Variants in TBX18 observed in about 807,000 individuals in gnomAD.
The protein encoded by TBX18 is T-box transcription factor 18.
Under a neutral mutation model 55.0 loss-of-function variants are expected in TBX18, and 21 were observed. The observed-to-expected ratio is 0.38, with a 90% CI of 0.27 to 0.55. TBX18 has a LOEUF of 0.55. Ranked by LOEUF, TBX18 falls within the 20% of genes least tolerant of loss-of-function variation. TBX18 has a pLI of 0.73. For missense variants in TBX18, 840 were observed against 799.6 expected (o/e 1.05, Z -0.61); for synonymous variants, 342 against 326.1 (o/e 1.05, Z -0.53).
rs759075468 is a variant in TBX18, at chr6:84,762,591, C to T, written c.450G>A (p.Lys150=). Residue 150 remains lysine (K), a synonymous_variant, in exon 2 of 8, where the codon AAG becomes AAA. Transcript: ENST00000369663. ...TCTCAGTGCCTATCTCATGAAAGCG[C>T]TTCCAGAGCTCGGCTCCCTGCAGAT... is the stretch of plus-strand genomic sequence containing the variant. ...RVDLQGAELW[K]RFHEIGTEMI... 6.2e-7 allele frequency: 1 copy of T among 1,613,940 alleles called. No individual in the cohort carries two copies. The highest frequency in any genetic ancestry group is 1.1e-5 in the South Asian group (1 of 91,084).
intron 6 of TBX18, chr6:84,742,087 T>A (rs1767061866): frequency 6.6e-6 from 1 of 152,122 alleles, no homozygotes; most frequent in Admixed American, 6.6e-5. Context: ...AGGAAAAAAG[T>A]TGAAACTGTA....
rs538436357 is a variant in TBX18 at position 84,736,468 on chromosome 6, G to C, written c.*217C>G. 6.1e-5 allele frequency: 24 copies of C among 392,028 alleles called. No individual in the cohort carries two copies. In the Admixed American group the frequency reaches 9.7e-4, roughly 16 times the overall value. 24.3% of individuals were successfully genotyped at this position (392,028 alleles called of 1,614,324 possible). The stretch of plus-strand genomic sequence containing the variant: ...ACTGGATGAAACAGGGGAACAATAG[G>C]GGCCGTGATACTCCATGTGCTATGT... On this transcript the variant is annotated 3_prime_UTR_variant, in exon 8 of 8. Coordinates refer to ENST00000369663, the MANE Select transcript of TBX18 (RefSeq NM_001080508.3).
At position 84,736,697 on chromosome 6, in the gene TBX18, T is replaced by C. The variant is rs1467501218; in HGVS notation, c.1812A>G (p.Ala604=). ...SLTLSSSQVS[A]HMV ...CTTAAAGGCTTCATCAGACCATATG[T>C]GCAGATACTTGAGATGATGACAGAG... The change falls in exon 8 of 8, where the codon GCA becomes GCG. Residue 604 remains alanine (A), a synonymous_variant. Coordinates refer to ENST00000369663, the MANE Select transcript of TBX18 (RefSeq NM_001080508.3). 6.4e-7 allele frequency: 1 copy of C among 1,568,876 alleles called. No individual in the cohort carries two copies. The highest frequency in any genetic ancestry group is 2.0e-5 in the Admixed American group (1 of 51,128).
At position 84,737,139 on chromosome 6, in the gene TBX18, T is replaced by A. The variant is rs377103957; in HGVS notation, c.1370A>T (p.Tyr457Phe). The A allele has an allele frequency of 6.2e-7, 1 of 1,614,122 alleles. No individual in the cohort carries two copies. The highest frequency in any genetic ancestry group is 8.5e-7 in the Non-Finnish European group (1 of 1,179,992). ...GGAGGTGCTGCTGCTCACGCCCACA[T>A]AGGAGGGAGTCCTGGGCGGGGCAAA... ...ETFAPPRTPS[Y>F]VGVSSSTSVN... Residue 457 changes from tyrosine (Y) to phenylalanine (F), a missense_variant, in exon 8 of 8, where the codon TAT becomes TTT. Transcript: ENST00000369663.
chr6:84,734,278 C>T lies in TBX18; in HGVS notation c.*2407G>A, dbSNP rs1372719958. On this transcript the variant is annotated 3_prime_UTR_variant, in exon 8 of 8. Transcript: ENST00000369663. ...TTCACCTTCAATGACATGGTCAACA[C>T]ACCAAGAAATTACATTTAACACATG... The T allele has an allele frequency of 6.6e-6, 1 of 152,166 alleles. No individual in the cohort carries two copies. Among genetic ancestry groups the T allele is most frequent in the African/African-American group, 2.4e-5 (1 of 41,422 alleles). The allele number at this position is 152,166 out of a possible 1,614,324, so 9.4% of individuals were successfully genotyped here.
chr6:84,759,983 G>A (rs1209592514), intron 3 of TBX18, among the ~76,000 whole-genome samples: 1 of 152,128 alleles, frequency 6.6e-6, no homozygotes, highest in Non-Finnish European at 1.5e-5. Flanking sequence ...GACACATTTA[G>A]TTTGGCAACA....
chr6:84,757,206 G>A (rs552608675), intron 3 of TBX18, among the ~76,000 whole-genome samples: 9 of 151,820 alleles, frequency 5.9e-5, no homozygotes, highest in Non-Finnish European at 7.4e-5. Context: ...ATATTCCATC[G>A]ACACGAAAAA....
intron 7 of TBX18, 57 bp from the exon 8 acceptor site, chr6:84,737,466 T>G: frequency 6.8e-7 from 1 of 1,479,582 alleles, no homozygotes; most frequent in Non-Finnish European, 9.0e-7. Flanking sequence ...TCCTTTCAAT[T>G]TTGTAAATAT....
chr6:84,763,578 T>C (rs1020002598), intron 1 of TBX18: 29 of 618,980 alleles, frequency 4.7e-5, no homozygotes, highest in Non-Finnish European at 6.5e-5. Context: ...AGAGCACCCA[T>C]TGGCTGGAAC....
intron 4 of TBX18, among the ~76,000 whole-genome samples, chr6:84,748,324 A>C (rs1422430160): frequency 6.6e-6 from 1 of 152,234 alleles, no homozygotes; most frequent in East Asian, 1.9e-4. Context: ...GTGTACAACC[A>C]TGTGAACTTA....
rs1248834034 is a variant in TBX18, at chr6:84,763,988, C to T, written c.194G>A (p.Gly65Asp). Residue 65 changes from glycine (G) to aspartate (D), a missense_variant, in exon 1 of 8, where the codon GGT becomes GAT. Physicochemically the swap from Gly to Asp is moderately conservative, Grantham distance 94. Coordinates refer to ENST00000369663, the MANE Select transcript of TBX18 (RefSeq NM_001080508.3). ...CSRGGGAGEK[G>D]SSEGDEGAAL... ...AGCGCCTTCGTCTCCCTCAGAAGAA[C>T]CCTTTTCGCCCGCGCCGCCGCCGCG... 6 of 1,574,936 alleles carry T rather than the reference C, an allele frequency of 3.8e-6. No homozygotes were observed. The East Asian group carries it at 6.9e-5, about 18-fold the overall frequency.
Position 84,748,889 on chromosome 6 carries a change from A to T in TBX18, c.772-802T>A, listed in dbSNP as rs140426983. On this transcript the variant is annotated intron_variant, in intron 4 of 7. Transcript: ENST00000369663. ...ACCACTTACATATCCAACATGAGTA[A>T]ATTAGTTAGGTGAATGAAATCCACA... 2.6e-5 allele frequency among the ~76,000 whole-genome samples: 4 copies of T among 152,338 alleles called. No homozygotes were observed. In the East Asian group the frequency reaches 7.7e-4, roughly 29 times the overall value.
At chr6:84,738,353 T>C (rs1375083706) in intron 7 of TBX18, 144 bp downstream of exon 7, 3 of 714,576 alleles carry the variant, frequency 4.2e-6, no homozygotes, top group Admixed American at 3.9e-5. Context: ...CCCCATACCA[T>C]GCAGAAGACA....
intron 1 of TBX18, chr6:84,763,154 C>T (rs746169876): frequency 5.0e-4 from 183 of 367,016 alleles, no homozygotes; most frequent in Non-Finnish European, 7.5e-4. Flanking sequence ...CAACCTGCGC[C>T]TCGAAGCGCA....
rs1272783394 is a variant in TBX18, at chr6:84,733,678, C to T, written c.*3007G>A. On this transcript the variant is annotated 3_prime_UTR_variant, in exon 8 of 8. Transcript: ENST00000369663. Reference sequence around the variant, plus strand: ...AAATCTTCCCAGAATTGTCCTGCTACAAAAATTACTTTTTCCTCTAAGTCA... The same window carrying T: ...AAATCTTCCCAGAATTGTCCTGCTATAAAAATTACTTTTTCCTCTAAGTCA... 1 of 152,178 alleles carries T rather than the reference C, an allele frequency of 6.6e-6. No homozygotes were observed. The highest frequency in any genetic ancestry group is 1.5e-5 in the Non-Finnish European group (1 of 68,036). The allele number at this position is 152,178 out of a possible 1,614,324, so 9.4% of individuals were successfully genotyped here.
rs1333931814 is a variant in TBX18, at chr6:84,733,196, A to C, written c.*3489T>G. 6.6e-6 allele frequency: 1 copy of C among 152,136 alleles called. No individual in the cohort carries two copies. Among genetic ancestry groups the C allele is most frequent in the Non-Finnish European group, 1.5e-5 (1 of 68,004 alleles). The allele number at this position is 152,136 out of a possible 1,614,324, so 9.4% of individuals were successfully genotyped here. ...TATCTGTTGAATGTTTGTATACTTG[A>C]ATATATTTGTCGATTTCTAGCACTG... On this transcript the variant is annotated 3_prime_UTR_variant, in exon 8 of 8. Coordinates refer to ENST00000369663, the MANE Select transcript of TBX18 (RefSeq NM_001080508.3).
At chr6:84,755,744 C>T (rs552534084) in intron 4 of TBX18, among the ~76,000 whole-genome samples, 5 of 152,216 alleles carry the variant, frequency 3.3e-5, no homozygotes, top group Non-Finnish European at 7.3e-5. Context: ...ATTTGTATCA[C>T]AGTGAAATTA....
chr6:84,763,397 G>A (rs1425644246), intron 1 of TBX18: 6 of 458,054 alleles, frequency 1.3e-5, no homozygotes, highest in Non-Finnish European at 2.2e-5. Flanking sequence ...AAATCAAGAG[G>A]AGAAGGGAAG....
At chr6:84,763,862 A>G (rs1767732625) in intron 1 of TBX18, 28 bp downstream of exon 1, 5 of 1,461,250 alleles carry the variant, frequency 3.4e-6, no homozygotes, top group Non-Finnish European at 4.5e-6. Flanking sequence ...GCCGGAGAGA[A>G]GTTATAGGCA....
Sources: allele counts gnomAD v4.1 joint callset (sites outside exome capture counted in the v4.1 genomes callset), GRCh38; gene constraint gnomAD v4.1.1; transcripts MANE v1.5; gene names NCBI Gene and HGNC (gene_info 2026-07-23, HGNC 2026-07-21).